Variants in FOXP1 observed in about 807,000 individuals in gnomAD.
The protein encoded by FOXP1 is forkhead box protein P1.
FOXP1 carries 15 observed loss-of-function variants against 98.2 expected under a neutral mutation model. The observed-to-expected ratio is 0.15, with a 90% CI of 0.10 to 0.24. The LOEUF is 0.24. Among genes scored for constraint, FOXP1 ranks in the 10% least tolerant of loss-of-function variants. The probability of loss-of-function intolerance (pLI) is 1.00; values close to 1 mark genes in which losing one functional copy is unlikely to be tolerated. For missense variants in FOXP1, 633 were observed against 848.5 expected (o/e 0.75, Z 3.15); for synonymous variants, 371 against 314.5 (o/e 1.18, Z -1.90).
At chr3:71,489,883 G>C (rs1227015878) in intron 3 of FOXP1, among the ~76,000 whole-genome samples, 1 of 152,168 alleles carries the variant, frequency 6.6e-6, no homozygotes, top group Non-Finnish European at 1.5e-5. Context: ...CCTTGTGTTT[G>C]AGTGAAGCAA....
chr3:71,553,763 TTCTCAAAG>T, intron 2 of FOXP1, among the ~76,000 whole-genome samples: 1 of 152,352 alleles, frequency 6.6e-6, no homozygotes, highest in South Asian at 2.1e-4. Context: ...ACAAAATAGT[TTCTCAAAG>T]TCTCAAACAT....
intron 20 of FOXP1, among the ~76,000 whole-genome samples, chr3:70,959,868 T>G (rs956159608): frequency 4.6e-5 from 7 of 152,170 alleles, no homozygotes; most frequent in Admixed American, 3.9e-4. Flanking sequence ...CCCCAAGTGA[T>G]GCCGGTGGTC....
At chr3:71,382,899 G>A (rs1376307068) in intron 3 of FOXP1, among the ~76,000 whole-genome samples, 1 of 152,202 alleles carries the variant, frequency 6.6e-6, no homozygotes, top group East Asian at 1.9e-4. Context: ...GGCATCTCCT[G>A]GGGTTTGGGG....
At chr3:71,370,915 T>C (rs1415353881) in intron 3 of FOXP1, among the ~76,000 whole-genome samples, 1 of 151,354 alleles carries the variant, frequency 6.6e-6, no homozygotes, top group Non-Finnish European at 1.5e-5. Flanking sequence ...AATTCTCCTG[T>C]CTCAGCCTCT....
chr3:71,042,834 GGATA>G (rs528129596), intron 10 of FOXP1, among the ~76,000 whole-genome samples: 82 of 152,254 alleles, frequency 5.4e-4, no homozygotes, highest in South Asian at 2.9e-3. Flanking sequence ...AGAATACAAT[GGATA>G]GATAATCATC....
intron 2 of FOXP1, among the ~76,000 whole-genome samples, chr3:71,546,001 C>T (rs1254619485): frequency 1.3e-5 from 2 of 152,188 alleles, no homozygotes; most frequent in Non-Finnish European, 2.9e-5. Context: ...TTCGAGTTAA[C>T]CTTAATCAAC....
intron 3 of FOXP1, among the ~76,000 whole-genome samples, chr3:71,420,733 G>T (rs1347390896): frequency 1.3e-5 from 2 of 150,950 alleles, no homozygotes; most frequent in South Asian, 2.1e-4. Context: ...TTGAGACAGG[G>T]TCTCACTCTG....
chr3:71,132,582 A>G (rs1368690669), intron 6 of FOXP1, among the ~76,000 whole-genome samples: 2 of 152,236 alleles, frequency 1.3e-5, no homozygotes, highest in East Asian at 3.8e-4. Flanking sequence ...AGAATTCCAC[A>G]TTATAATTTA....
chr3:71,429,332 A>C (rs2084467007), intron 3 of FOXP1, among the ~76,000 whole-genome samples: 1 of 152,156 alleles, frequency 6.6e-6, no homozygotes, highest in Non-Finnish European at 1.5e-5. Flanking sequence ...TTATTCTTTA[A>C]GGAAAAAAAC....
intron 3 of FOXP1, among the ~76,000 whole-genome samples, chr3:71,397,932 C>A (rs1409110872): frequency 1.6e-4 from 24 of 151,806 alleles, no homozygotes; most frequent in Admixed American, 1.6e-3. Context: ...AAGGTAGAGA[C>A]AGGGAAAGAA....
intron 4 of FOXP1, among the ~76,000 whole-genome samples, chr3:71,352,543 C>T (rs2077868123): frequency 6.7e-6 from 1 of 150,120 alleles, no homozygotes; most frequent in South Asian, 2.1e-4. Context: ...TCCTACTTTG[C>T]TCCATATAAG....
intron 3 of FOXP1, among the ~76,000 whole-genome samples, chr3:71,378,322 A>G (rs1468448997): frequency 6.6e-6 from 1 of 152,214 alleles, no homozygotes; most frequent in African/African-American, 2.4e-5. Context: ...ATCATATACT[A>G]TGATACAGTA....
Position 71,472,584 on chromosome 3 carries a change from C to A in FOXP1, c.-168+20842G>T, listed in dbSNP as rs538115640. Among the ~76,000 whole-genome samples, 3 of 152,124 alleles carry A rather than the reference C, an allele frequency of 2.0e-5. No homozygotes were observed. In the South Asian group the frequency reaches 6.2e-4, roughly 32 times the overall value. Reference sequence around the variant, plus strand: ...GAGGGAAGACCTCTTCTTATTCTGCCCAGCATCTGGGACTTTGAAACCAGC... The same window carrying A: ...GAGGGAAGACCTCTTCTTATTCTGCACAGCATCTGGGACTTTGAAACCAGC... On this transcript the variant is annotated intron_variant, in intron 3 of 20. Coordinates refer to ENST00000649528, the MANE Select transcript of FOXP1 (RefSeq NM_001349338.3).
At chr3:71,149,953 C>T (rs1422590901) in intron 6 of FOXP1, among the ~76,000 whole-genome samples, 1 of 152,178 alleles carries the variant, frequency 6.6e-6, no homozygotes, top group African/African-American at 2.4e-5. Flanking sequence ...CCTGACTAAT[C>T]CAGGTATCTG....
At chr3:71,480,232 C>A (rs763139774) in intron 3 of FOXP1, among the ~76,000 whole-genome samples, 10 of 152,108 alleles carry the variant, frequency 6.6e-5, no homozygotes, top group Non-Finnish European at 1.0e-4. Context: ...CAAAACTAAA[C>A]AGGAACAGAC....
intron 3 of FOXP1, among the ~76,000 whole-genome samples, chr3:71,361,337 T>G (rs1174386089): frequency 1.3e-5 from 2 of 152,144 alleles, no homozygotes; most frequent in Non-Finnish European, 2.9e-5. Context: ...CAAACATTTG[T>G]TCTGACACCC....
chr3:71,276,568 G>C (rs2070914316), intron 5 of FOXP1, among the ~76,000 whole-genome samples: 2 of 152,154 alleles, frequency 1.3e-5, no homozygotes, highest in Admixed American at 6.5e-5. Flanking sequence ...ATCCATCAGT[G>C]ACTGCTGCCT....
chr3:71,073,989 A>G lies in FOXP1; in HGVS notation c.283-20216T>C, dbSNP rs550364773. Among the ~76,000 whole-genome samples, 35 of 152,322 alleles carry G rather than the reference A, an allele frequency of 2.3e-4. No homozygotes were observed. The South Asian group carries it at 3.5e-3, about 15-fold the overall frequency. ...AGGAAATCCTCTAAAGAAGCCACCA[A>G]TCACAAACTGGGAAGCACGTACTGT... On this transcript the variant is annotated intron_variant, in intron 7 of 20. Transcript: ENST00000649528.
At chr3:71,337,061 A>T (rs1362118646) in intron 4 of FOXP1, among the ~76,000 whole-genome samples, 2 of 152,248 alleles carry the variant, frequency 1.3e-5, no homozygotes, top group Admixed American at 6.5e-5. Context: ...AGTGGACAAT[A>T]TTAAACTGTG....
Sources: allele counts gnomAD v4.1 joint callset (sites outside exome capture counted in the v4.1 genomes callset), GRCh38; gene constraint gnomAD v4.1.1; transcripts MANE v1.5; gene names NCBI Gene and HGNC (gene_info 2026-07-23, HGNC 2026-07-21).